The following GALNT13 variants were observed in gnomAD, a reference collection of about 807,000 sequenced individuals.
The protein encoded by GALNT13 is polypeptide N-acetylgalactosaminyltransferase 13, also known as UDP-GalNAc:polypeptide N-acetylgalactosaminyltransferase 13.
GALNT13 carries 28 observed loss-of-function variants against 64.2 expected under a neutral mutation model. The observed-to-expected ratio is 0.44, with a 90% CI of 0.32 to 0.60. The LOEUF (loss-of-function observed/expected upper bound fraction) is 0.60. Among genes scored for constraint, GALNT13 ranks in the 20% least tolerant of loss-of-function variants. GALNT13 has a pLI of 0.05. For missense variants in GALNT13, 577 were observed against 669.8 expected, an observed-to-expected ratio of 0.86 and a Z score of 1.53; for synonymous variants, 214 against 224.6, an observed-to-expected ratio of 0.95 and a Z score of 0.42.
chr2:153,399,128 A>G, the GALNT13 span, among the ~76,000 whole-genome samples: 1 of 136,008 alleles, frequency 7.4e-6, no homozygotes, highest in East Asian at 2.1e-4. Flanking sequence ...ATCCAGTTTC[A>G]GCTTTCTACA....
chr2:154,382,410 C>A (rs2105334266), intron 9 of GALNT13, among the ~76,000 whole-genome samples: 1 of 152,158 alleles, frequency 6.6e-6, no homozygotes, highest in African/African-American at 2.4e-5. Context: ...TCATACCAAG[C>A]AGTGTTAAGT....
chr2:153,715,761 C>T, the GALNT13 span, among the ~76,000 whole-genome samples: 1 of 152,016 alleles, frequency 6.6e-6, no homozygotes, highest in African/African-American at 2.4e-5. Flanking sequence ...CATATATTAA[C>T]ATCCTCAATT....
the GALNT13 span, among the ~76,000 whole-genome samples, chr2:153,134,283 C>G: frequency 2.7e-4 from 41 of 152,112 alleles, 1 homozygote; most frequent in Admixed American, 8.5e-4. Context: ...TTTTCCCCTG[C>G]CTGAAGATCA....
the GALNT13 span, among the ~76,000 whole-genome samples, chr2:153,262,593 A>T: frequency 3.3e-5 from 5 of 152,202 alleles, no homozygotes. Context: ...CAAAAAGCTT[A>T]TCCACCATGA....
chr2:153,182,427 G>T, the GALNT13 span, among the ~76,000 whole-genome samples: 1 of 152,178 alleles, frequency 6.6e-6, no homozygotes, highest in Non-Finnish European at 1.5e-5. Context: ...TGAACCAAAA[G>T]ATATTTTTAA....
chr2:154,169,646 G>A (rs565387789), intron 4 of GALNT13, among the ~76,000 whole-genome samples: 12 of 152,248 alleles, frequency 7.9e-5, no homozygotes, highest in Non-Finnish European at 1.3e-4. Flanking sequence ...AGGGGGCAAG[G>A]CTTTGAGAAA....
At chr2:153,725,113 A>G in the GALNT13 span, among the ~76,000 whole-genome samples, 14 of 148,634 alleles carry the variant, frequency 9.4e-5, no homozygotes, top group African/African-American at 3.5e-4. Flanking sequence ...ACACCATGGA[A>G]TACTATGCAG....
intron 3 of GALNT13, among the ~76,000 whole-genome samples, chr2:154,101,019 T>C (rs964443366): frequency 2.0e-5 from 3 of 152,162 alleles, no homozygotes; most frequent in African/African-American, 7.2e-5. Context: ...CATTGATTTG[T>C]GTATGCTGAA....
intron 3 of GALNT13, among the ~76,000 whole-genome samples, chr2:153,995,559 T>C (rs1460583374): frequency 1.1e-4 from 16 of 152,144 alleles, no homozygotes; most frequent in Admixed American, 1.0e-3. Flanking sequence ...TACATGTTTA[T>C]AGGGTACAGT....
the GALNT13 span, among the ~76,000 whole-genome samples, chr2:153,345,456 C>T: frequency 6.6e-6 from 1 of 151,942 alleles, no homozygotes; most frequent in Non-Finnish European, 1.5e-5. Context: ...AATGTGTTCT[C>T]CTGAGGGGCA....
intron 2 of GALNT13, among the ~76,000 whole-genome samples, chr2:153,917,292 A>T (rs1161545238): frequency 1.3e-5 from 2 of 152,130 alleles, no homozygotes; most frequent in African/African-American, 4.8e-5. Flanking sequence ...AAATATATGG[A>T]TTGATGGGTT....
At chr2:153,161,706 G>A in the GALNT13 span, among the ~76,000 whole-genome samples, 91 of 152,200 alleles carry the variant, frequency 6.0e-4, no homozygotes, top group African/African-American at 2.1e-3. Context: ...AGAGCAAGAG[G>A]GGAGAAATGA....
the GALNT13 span, among the ~76,000 whole-genome samples, chr2:153,726,105 A>G: frequency 2.0e-5 from 3 of 152,170 alleles, no homozygotes; most frequent in African/African-American, 7.2e-5. Flanking sequence ...TTTAATGTAT[A>G]TTTGGAATGG....
At chr2:153,425,144 A>C in the GALNT13 span, among the ~76,000 whole-genome samples, 1 of 151,774 alleles carries the variant, frequency 6.6e-6, no homozygotes, top group Admixed American at 6.6e-5. Flanking sequence ...AAACTAAAGA[A>C]TAGTATTTAT....
At chr2:153,861,559 C>CTTTTTTTTTTTTTTTTTTTTTT in the GALNT13 span, among the ~76,000 whole-genome samples, 18 of 118,194 alleles carry the variant, frequency 1.5e-4, no homozygotes, top group East Asian at 5.9e-4. Flanking sequence ...TTCTTTCTTT[C>CTTTTTTTTTTTTTTTTTTTTTT]TTTTTTTTTT....
the GALNT13 span, among the ~76,000 whole-genome samples, chr2:153,394,795 T>C: frequency 1.3e-5 from 2 of 152,192 alleles, no homozygotes; most frequent in African/African-American, 2.4e-5. Context: ...TACCATACAT[T>C]TGGAAGCTTA....
At chr2:153,613,885 A>G in the GALNT13 span, among the ~76,000 whole-genome samples, 1 of 152,026 alleles carries the variant, frequency 6.6e-6, no homozygotes, top group African/African-American at 2.4e-5. Context: ...GCAGGGAGGG[A>G]TAGCATCAGG....
At chr2:153,854,299 G>A in the GALNT13 span, among the ~76,000 whole-genome samples, 1 of 151,634 alleles carries the variant, frequency 6.6e-6, no homozygotes, top group African/African-American at 2.4e-5. Context: ...AAAAAATCAG[G>A]CCGGGTGCAG....
chr2:153,332,534 G>GTTT, the GALNT13 span, among the ~76,000 whole-genome samples: 66 of 136,220 alleles, frequency 4.8e-4, no homozygotes, highest in African/African-American at 1.4e-3. Flanking sequence ...TGAGAGTATT[G>GTTT]TTTTTTTTTT....
Sources: allele counts gnomAD v4.1 joint callset (sites outside exome capture counted in the v4.1 genomes callset), GRCh38; gene constraint gnomAD v4.1.1; transcripts MANE v1.5; gene names NCBI Gene and HGNC (gene_info 2026-07-23, HGNC 2026-07-21).